FHOD3: variants seen among roughly 807,000 people sequenced by gnomAD.
FHOD3 encodes the protein FH1/FH2 domain-containing protein 3.
In FHOD3, 90 loss-of-function variants were observed where a neutral mutation model predicts 173.0. That is an observed-to-expected ratio of 0.52 (90% CI 0.44 to 0.62). FHOD3 has a LOEUF of 0.62. Ranked by LOEUF, FHOD3 falls within the 20% of genes least tolerant of loss-of-function variation. The probability of loss-of-function intolerance (pLI) is 0.00; values close to 1 mark genes in which losing one functional copy is unlikely to be tolerated. For synonymous variants in FHOD3, 828 were observed against 823.0 expected (o/e 1.01, Z -0.10); for missense variants, 1,945 against 2,034.7 (o/e 0.96, Z 0.85).
intron 5 of FHOD3, among the ~76,000 whole-genome samples, chr18:36,574,857 T>C (rs748933258): frequency 2.2e-4 from 34 of 152,310 alleles, no homozygotes; most frequent in African/African-American, 7.5e-4. Context: ...TCTCAAAATA[T>C]ACTGCTTATT....
intron 5 of FHOD3, among the ~76,000 whole-genome samples, chr18:36,535,520 T>C (rs1599555035): frequency 6.6e-6 from 1 of 152,326 alleles, no homozygotes; most frequent in East Asian, 1.9e-4. Flanking sequence ...AATCCTTTAA[T>C]CAGGTCCAGT....
At chr18:36,744,723 T>G (rs1169208506) in intron 23 of FHOD3, among the ~76,000 whole-genome samples, 2 of 152,178 alleles carry the variant, frequency 1.3e-5, no homozygotes, top group Non-Finnish European at 2.9e-5. Context: ...AGCTGCAAGC[T>G]CTTAAAGCGA....
Position 36,779,577 on chromosome 18 carries a change from T to G in FHOD3, c.*47T>G. On this transcript the variant is annotated 3_prime_UTR_variant, in exon 29 of 29. Coordinates refer to ENST00000590592, the MANE Select transcript of FHOD3 (RefSeq NM_001281740.3). ...AGTGTGCTGAGCAGAAGGCAAGCTC[T>G]TGCTGGATGAAACCCCTCCAGGTGG... The G allele has an allele frequency of 5.0e-5, 78 of 1,567,014 alleles. No homozygotes were observed. Among genetic ancestry groups the G allele is most frequent in the Non-Finnish European group, 6.2e-5 (71 of 1,137,696 alleles).
At chr18:36,546,597 G>GT (rs2147221943) in intron 5 of FHOD3, among the ~76,000 whole-genome samples, 1 of 152,324 alleles carries the variant, frequency 6.6e-6, no homozygotes, top group East Asian at 1.9e-4. Flanking sequence ...GGAAGGGAGG[G>GT]TGTCAGGCTG....
intron 1 of FHOD3, among the ~76,000 whole-genome samples, chr18:36,322,735 C>T (rs944070787): frequency 6.6e-6 from 1 of 152,198 alleles, no homozygotes. Context: ...TACCTGCTGT[C>T]CACCTTAGCT....
At chr18:36,551,254 C>G (rs1321913990) in intron 5 of FHOD3, among the ~76,000 whole-genome samples, 2 of 151,946 alleles carry the variant, frequency 1.3e-5, no homozygotes, top group Non-Finnish European at 2.9e-5. Flanking sequence ...TTGTATTTTC[C>G]TTTTAATATA....
chr18:36,539,658 G>A (rs933793451), intron 5 of FHOD3, among the ~76,000 whole-genome samples: 3 of 152,144 alleles, frequency 2.0e-5, no homozygotes, highest in South Asian at 2.1e-4. Flanking sequence ...GCAGGTGGGC[G>A]AATCAGAGGT....
chr18:36,483,984 G>A (rs189351261), intron 3 of FHOD3, among the ~76,000 whole-genome samples: 2 of 152,352 alleles, frequency 1.3e-5, no homozygotes, highest in Admixed American at 1.3e-4. Context: ...CCAACTGTGA[G>A]TCTGGTAGAA....
At chr18:36,763,338 C>T (rs1216223870) in intron 27 of FHOD3, among the ~76,000 whole-genome samples, 2 of 115,116 alleles carry the variant, frequency 1.7e-5, no homozygotes, top group South Asian at 2.7e-4. Context: ...ACGTTATATA[C>T]AATATGCGTA....
intron 5 of FHOD3, among the ~76,000 whole-genome samples, chr18:36,547,610 G>C (rs917021253): frequency 1.3e-5 from 2 of 152,094 alleles, no homozygotes; most frequent in African/African-American, 4.8e-5. Context: ...AGGAACATAA[G>C]CATTTATGTT....
At chr18:36,447,046 C>T (rs2051527668) in intron 3 of FHOD3, among the ~76,000 whole-genome samples, 1 of 152,126 alleles carries the variant, frequency 6.6e-6, no homozygotes, top group South Asian at 2.1e-4. Context: ...TTGCAAATGG[C>T]ACCTCGGCAA....
At chr18:36,420,489 G>A (rs964507479) in intron 3 of FHOD3, among the ~76,000 whole-genome samples, 12 of 152,326 alleles carry the variant, frequency 7.9e-5, no homozygotes, top group Admixed American at 2.0e-4. Context: ...CAGTGTCTGT[G>A]TGCTGCCTCG....
At chr18:36,319,641 T>A (rs898162801) in intron 1 of FHOD3, among the ~76,000 whole-genome samples, 2 of 152,192 alleles carry the variant, frequency 1.3e-5, no homozygotes, top group African/African-American at 4.8e-5. Flanking sequence ...GCGGACCTAA[T>A]AGACATCTAC....
At chr18:36,714,477 C>T (rs570542881) in intron 18 of FHOD3, among the ~76,000 whole-genome samples, 1 of 152,264 alleles carries the variant, frequency 6.6e-6, no homozygotes, top group East Asian at 1.9e-4. Context: ...GTAGAGGCTG[C>T]ATTGAGCCGA....
At chr18:36,633,675 C>A (rs1041417413) in intron 10 of FHOD3, among the ~76,000 whole-genome samples, 9 of 152,132 alleles carry the variant, frequency 5.9e-5, no homozygotes, top group South Asian at 4.1e-4. Flanking sequence ...ACCTAACATA[C>A]CTGAAAGTAC....
chr18:36,636,274 C>A (rs549100291), intron 10 of FHOD3, among the ~76,000 whole-genome samples: 2 of 152,340 alleles, frequency 1.3e-5, no homozygotes, highest in East Asian at 3.9e-4. Context: ...CCCTCTGCAA[C>A]TCCCAGGATC....
chr18:36,309,984 C>A, intron 1 of FHOD3, among the ~76,000 whole-genome samples: 1 of 152,224 alleles, frequency 6.6e-6, no homozygotes, highest in East Asian at 1.9e-4. Context: ...ATGACCAATG[C>A]ACTGTAATCA....
chr18:36,519,060 T>A (rs1213128612), intron 5 of FHOD3, among the ~76,000 whole-genome samples: 1 of 152,200 alleles, frequency 6.6e-6, no homozygotes, highest in Non-Finnish European at 1.5e-5. Flanking sequence ...TGGAGTGTTC[T>A]GCATGTCCCG....
At chr18:36,492,246 C>T (rs1209232256) in intron 3 of FHOD3, among the ~76,000 whole-genome samples, 2 of 152,062 alleles carry the variant, frequency 1.3e-5, no homozygotes, top group Non-Finnish European at 2.9e-5. Context: ...CATTTTGTTC[C>T]ATGTCACCTC....
Sources: gnomAD v4.1 joint callset for allele counts (sites outside exome capture counted in the v4.1 genomes callset) on GRCh38, gnomAD v4.1.1 for gene constraint, MANE v1.5 for transcripts, NCBI Gene and HGNC (gene_info 2026-07-23, HGNC 2026-07-21) for gene names.